DLEU7: variants seen among roughly 807,000 people sequenced by gnomAD.
DLEU7 encodes leukemia-associated protein 7.
In DLEU7, 17 loss-of-function variants were observed where a neutral mutation model predicts 16.0. That is an observed-to-expected ratio of 1.06 (90% confidence interval 0.73 to 1.59). DLEU7 has a LOEUF of 1.59. Ranked by LOEUF, DLEU7 falls within the 40% of genes most tolerant of loss-of-function variation. The pLI is 0.00. For synonymous variants in DLEU7, 113 were observed against 139.8 expected, an observed-to-expected ratio of 0.81 and a Z score of 1.35; for missense variants, 308 against 314.9, an observed-to-expected ratio of 0.98 and a Z score of 0.17.
intron 1 of DLEU7, among the ~76,000 whole-genome samples, chr13:50,788,930 T>C (rs1875868146): frequency 6.6e-6 from 1 of 152,038 alleles, no homozygotes; most frequent in Non-Finnish European, 1.5e-5. Flanking sequence ...AGCGGGAGCC[T>C]GGGTTATATC....
rs143127290 is a variant in DLEU7 at position 50,827,131 on chromosome 13, G to T, written c.460-3611C>A. On this transcript the variant is annotated intron_variant, in intron 1 of 1. Transcript: ENST00000504404. The stretch of plus-strand genomic sequence containing the variant: ...TGTTCAAAACAAAAATTATAAAAAC[G>T]AACGTGGAGTTTAGGACATCTAAAT... Among the ~76,000 whole-genome samples, 43 of 152,214 alleles carry T rather than the reference G, an allele frequency of 2.8e-4. No individual in the cohort carries two copies. The East Asian group carries it at 7.5e-3, about 27-fold the overall frequency.
Position 50,817,886 on chromosome 13 carries a change from A to G in DLEU7, c.459+25302T>C, listed in dbSNP as rs1475340570. On this transcript the variant is annotated intron_variant, in intron 1 of 1. Coordinates refer to the DLEU7 transcript ENST00000400393. ...GAGCTCCCAGGAAATTACAGAATAC[A>G]GTGAGGAGAGCATCTCAAGACAAGA... Among the ~76,000 whole-genome samples the G allele has an allele frequency of 2.0e-5, 3 of 147,106 alleles. No individual in the cohort carries two copies. The East Asian group carries it at 5.8e-4, about 28-fold the overall frequency.
chr13:50,731,642 A>G (rs913213929), intron 1 of DLEU7, among the ~76,000 whole-genome samples: 5 of 152,188 alleles, frequency 3.3e-5, no homozygotes, highest in Non-Finnish European at 7.3e-5. Flanking sequence ...CTACAATTCA[A>G]TGACTTAGAA....
At chr13:50,713,592 T>G (rs1216303299) in intron 1 of DLEU7, among the ~76,000 whole-genome samples, 7 of 152,172 alleles carry the variant, frequency 4.6e-5, no homozygotes, top group African/African-American at 1.7e-4. Context: ...CAGCTGCCCT[T>G]CACTCTATGG....
chr13:50,837,306 T>G (rs539520744), intron 1 of DLEU7, among the ~76,000 whole-genome samples: 3 of 152,282 alleles, frequency 2.0e-5, no homozygotes, highest in East Asian at 1.9e-4. Flanking sequence ...ACCCAAAAAT[T>G]GTAAAATAAA....
At chr13:50,805,987 T>C (rs7325310) in intron 1 of DLEU7, among the ~76,000 whole-genome samples, 27,054 of 152,140 alleles carry the variant, frequency 0.18, 4,283 homozygotes, top group African/African-American at 0.42. Flanking sequence ...GTATAAGAAG[T>C]GGTTTGCTGC....
intron 1 of DLEU7, among the ~76,000 whole-genome samples, chr13:50,831,914 G>C (rs1877280652): frequency 6.6e-6 from 1 of 152,176 alleles, no homozygotes; most frequent in South Asian, 2.1e-4. Flanking sequence ...TTTTCGCATT[G>C]ATGTTCATCA....
intron 1 of DLEU7, among the ~76,000 whole-genome samples, chr13:50,714,069 G>T (rs1054481350): frequency 2.0e-5 from 3 of 152,206 alleles, no homozygotes; most frequent in South Asian, 2.1e-4. Context: ...ACACAGAAAG[G>T]AAGTGGTCAA....
chr13:50,762,603 G>A (rs1874970528), intron 1 of DLEU7, among the ~76,000 whole-genome samples: 2 of 152,192 alleles, frequency 1.3e-5, no homozygotes, highest in South Asian at 4.1e-4. Flanking sequence ...ACTTTTATGG[G>A]TGTCAACACA....
intron 1 of DLEU7, among the ~76,000 whole-genome samples, chr13:50,812,241 G>A (rs776578099): frequency 1.4e-4 from 21 of 152,138 alleles, no homozygotes; most frequent in Non-Finnish European, 2.8e-4. Flanking sequence ...GAAGCAGCTT[G>A]ATGGTGTGTA....
In DLEU7 at chr13:50,843,344, C is replaced by A; in HGVS notation, c.303G>T (p.Leu101=). 1 of 1,463,906 alleles carries A rather than the reference C, an allele frequency of 6.8e-7. No homozygotes were observed. The allele number at this position is 1,463,906 out of a possible 1,614,324, so 90.7% of individuals were successfully genotyped here. ...AGGGCCCGCGGTCCCGGGGGAAGGG[C>A]AGCAACTCGGCGCCCCCCTCAGCGC... ...VRGAEGGAEL[L]PFPRDRGPCT... The change falls in exon 1 of 2, where the codon CTG becomes CTT. Residue 101 remains leucine (L), a synonymous_variant. Transcript: ENST00000504404. The surrounding 1 kb of genome is among the most constrained non-coding windows in gnomAD (Gnocchi z 5.7).
rs981673719 is a variant in DLEU7, at chr13:50,843,319, A to C, written c.328T>G (p.Cys110Gly). 3.3e-6 allele frequency: 5 copies of C among 1,515,640 alleles called. No homozygotes were observed. Among genetic ancestry groups the C allele is most frequent in the Admixed American group, 2.1e-5 (1 of 47,670 alleles). The allele number at this position is 1,515,640 out of a possible 1,614,324, so 93.9% of individuals were successfully genotyped here. ...CGCATCGCCATCTGGGCCAGGGTGC[A>C]GGGCCCGCGGTCCCGGGGGAAGGGC... The part of the protein sequence containing the change: ...LLPFPRDRGP[C>G]TLAQMAMRSA... The change falls in exon 1 of 2, where the codon TGC becomes GGC. Residue 110 changes from cysteine (C) to glycine (G), a missense_variant. Transcript: ENST00000504404. The surrounding 1 kb of genome is among the most constrained non-coding windows in gnomAD (Gnocchi z 5.7).
At chr13:50,757,307 GA>G (rs1161093776) in intron 1 of DLEU7, among the ~76,000 whole-genome samples, 1 of 152,148 alleles carries the variant, frequency 6.6e-6, no homozygotes, top group Non-Finnish European at 1.5e-5. Flanking sequence ...TGAGGCAGAC[GA>G]ACTAGTTGGG....
Position 50,713,233 on chromosome 13 carries a change from AG to A in DLEU7, c.466del (p.Leu156SerfsTer23). On this transcript the variant is annotated frameshift_variant, in exon 2 of 2. Coordinates refer to the DLEU7 transcript ENST00000400393. LOFTEE classifies it high-confidence loss of function. ...TGACCTTCTTCACTCATTAGCCAGGAGTTGAAGCTGAAAGAAATGTAGCATA... is the reference window on the plus strand; with the variant it reads ...TGACCTTCTTCACTCATTAGCCAGGATTGAAGCTGAAAGAAATGTAGCATA... The A allele has an allele frequency of 6.2e-7, 1 of 1,611,182 alleles. No homozygotes were observed. Among genetic ancestry groups the A allele is most frequent in the Non-Finnish European group, 8.5e-7 (1 of 1,178,586 alleles).
chr13:50,771,018 T>G (rs904236680), intron 1 of DLEU7, among the ~76,000 whole-genome samples: 15 of 152,244 alleles, frequency 9.9e-5, no homozygotes, highest in African/African-American at 3.4e-4. Flanking sequence ...GTCCAGGAAT[T>G]TATCCATTTC....
At position 50,726,820 on chromosome 13, in the gene DLEU7, C is replaced by T. The variant is rs1471821992; in HGVS notation, c.460-13580G>A. Among the ~76,000 whole-genome samples, 2 of 152,110 alleles carry T rather than the reference C, an allele frequency of 1.3e-5. No homozygotes were observed. Among genetic ancestry groups the T allele is most frequent in the Admixed American group, 1.3e-4 (2 of 15,268 alleles). Reference sequence around the variant, plus strand: ...TCAGGAAATGAAGATGGAACCAGCTCCACTCATAACTGAGCCTGGAGACTT... The same window carrying T: ...TCAGGAAATGAAGATGGAACCAGCTTCACTCATAACTGAGCCTGGAGACTT... On this transcript the variant is annotated intron_variant, in intron 1 of 1. Transcript: ENST00000400393. The surrounding 1 kb of genome is among the most constrained non-coding windows in gnomAD (Gnocchi z 4.0).
intron 1 of DLEU7, among the ~76,000 whole-genome samples, chr13:50,800,250 A>G (rs944317701): frequency 6.6e-6 from 1 of 152,208 alleles, no homozygotes; most frequent in African/African-American, 2.4e-5. Context: ...AGCACATAGT[A>G]CTTGTATCAG....
At chr13:50,756,607 G>T (rs1475651382) in intron 1 of DLEU7, among the ~76,000 whole-genome samples, 2 of 152,286 alleles carry the variant, frequency 1.3e-5, no homozygotes, top group South Asian at 2.1e-4. Context: ...GCAGTGGGCC[G>T]AGCAGGGCTT....
At chr13:50,822,503 A>G, downstream of DLEU7, 6 of 477,310 alleles carry the variant, frequency 1.3e-5, no homozygotes, top group Non-Finnish European at 1.6e-5. Context: ...TGAAAAAAAA[A>G]AAATCACCTT....
Sources: gnomAD v4.1 joint callset for allele counts (sites outside exome capture counted in the v4.1 genomes callset) on GRCh38, gnomAD v4.1.1 for gene constraint, Gnocchi (gnomAD v3.1) non-coding constraint, MANE v1.5 for transcripts, NCBI Gene and HGNC (gene_info 2026-07-23, HGNC 2026-07-21) for gene names.